The following PIK3C2G variants were observed in gnomAD, a reference collection of about 807,000 sequenced individuals.
The protein encoded by PIK3C2G is phosphatidylinositol-4-phosphate 3-kinase catalytic subunit type 2 gamma, also known as phosphatidylinositol 3-kinase C2 domain-containing subunit gamma.
PIK3C2G carries 168 observed loss-of-function variants against 181.1 expected under a neutral mutation model. That is an observed-to-expected ratio of 0.93 (90% CI 0.82 to 1.05). The LOEUF is 1.05. Ranked by LOEUF, PIK3C2G falls within the 50% of genes least tolerant of loss-of-function variation. PIK3C2G has a pLI of 0.00. For missense variants in PIK3C2G, 1,869 were observed against 1,732.8 expected (o/e 1.08, Z -1.40); for synonymous variants, 573 against 592.2 (o/e 0.97, Z 0.47).
chr12:18,694,932 A>G, the PIK3C2G span: 10 of 1,600,658 alleles, frequency 6.2e-6, no homozygotes, highest in Non-Finnish European at 8.6e-6. Flanking sequence ...TGTAATTGGC[A>G]TACCCTCTTT....
intron 31 of PIK3C2G, among the ~76,000 whole-genome samples, chr12:18,612,368 C>A (rs187500253): frequency 6.6e-6 from 1 of 152,084 alleles, no homozygotes; most frequent in African/African-American, 2.4e-5. Context: ...CACTTTTAAC[C>A]TTTCTTTTCT....
At chr12:18,504,237 T>C (rs182998483) in intron 23 of PIK3C2G, among the ~76,000 whole-genome samples, 1 of 152,292 alleles carries the variant, frequency 6.6e-6, no homozygotes, top group African/African-American at 2.4e-5. Context: ...CACACTTCCA[T>C]AACATTGTGT....
chr12:18,667,279 A>T, the PIK3C2G span, among the ~76,000 whole-genome samples: 3 of 152,094 alleles, frequency 2.0e-5, no homozygotes, highest in Admixed American at 1.3e-4. Context: ...CCACTTAGAG[A>T]TATGTGTAAT....
intron 19 of PIK3C2G, 59 bp downstream of exon 19, chr12:18,488,688 T>C: frequency 9.7e-7 from 1 of 1,031,686 alleles, no homozygotes; most frequent in Non-Finnish European, 1.3e-6. Context: ...TAAATTAAGT[T>C]TTAATTTCAT....
intron 29 of PIK3C2G, among the ~76,000 whole-genome samples, chr12:18,582,451 C>A (rs2136430062): frequency 6.6e-6 from 1 of 152,272 alleles, no homozygotes. Flanking sequence ...TACGTAGAAT[C>A]TTGGCGGAGC....
the PIK3C2G span, among the ~76,000 whole-genome samples, chr12:18,680,893 A>G: frequency 6.6e-6 from 1 of 152,076 alleles, no homozygotes; most frequent in Non-Finnish European, 1.5e-5. Flanking sequence ...TGATTGGAGT[A>G]AATCTTATCT....
At chr12:18,695,919 G>A in the PIK3C2G span, among the ~76,000 whole-genome samples, 3 of 151,658 alleles carry the variant, frequency 2.0e-5, no homozygotes, top group South Asian at 2.1e-4. Flanking sequence ...TTAACTCCTC[G>A]TGAATTTAAC....
chr12:18,244,676 G>T (rs554611503), upstream of PIK3C2G, among the ~76,000 whole-genome samples: 2 of 152,074 alleles, frequency 1.3e-5, no homozygotes, highest in East Asian at 3.9e-4. Context: ...AGGCACTGCC[G>T]CGATGCTATC....
At chr12:18,499,685 G>A (rs1264763872) in intron 22 of PIK3C2G, among the ~76,000 whole-genome samples, 4 of 152,214 alleles carry the variant, frequency 2.6e-5, no homozygotes, top group African/African-American at 9.6e-5. Flanking sequence ...CTTCCCCGGA[G>A]GTGGAGGAGA....
chr12:18,538,133 T>C, intron 24 of PIK3C2G, 23 bp from the exon 25 acceptor site: 1 of 1,597,870 alleles, frequency 6.3e-7, no homozygotes, highest in Non-Finnish European at 8.5e-7. Flanking sequence ...CTTCGAATGA[T>C]TGCTACTGTT....
rs1223299782 is a variant in PIK3C2G at position 18,552,646 on chromosome 12, A to G, written c.3590+6214A>G. On this transcript the variant is annotated intron_variant, in intron 26 of 32. Transcript: ENST00000538779. ...TCTCCTCTCATTGTGAAAGTCTCCC[A>G]TTATTTTTAGTTATAATAACAAACC... is the stretch of plus-strand genomic sequence containing the variant. Among the ~76,000 whole-genome samples the G allele has an allele frequency of 2.6e-5, 4 of 152,252 alleles. No homozygotes were observed. In the South Asian group the frequency reaches 8.3e-4, roughly 32 times the overall value.
intron 16 of PIK3C2G, among the ~76,000 whole-genome samples, chr12:18,410,906 A>G (rs1367325107): frequency 6.6e-6 from 1 of 152,182 alleles, no homozygotes; most frequent in African/African-American, 2.4e-5. Flanking sequence ...ATATAAGAGG[A>G]GCGAAATCAA....
At chr12:18,390,764 G>A (rs1263645005) in intron 14 of PIK3C2G, among the ~76,000 whole-genome samples, 5 of 152,000 alleles carry the variant, frequency 3.3e-5, no homozygotes, top group Non-Finnish European at 7.4e-5. Flanking sequence ...ATTTCGTAAG[G>A]AGACATTTTA....
intron 20 of PIK3C2G, among the ~76,000 whole-genome samples, chr12:18,494,144 C>T (rs1284514867): frequency 6.6e-6 from 1 of 152,140 alleles, no homozygotes; most frequent in Admixed American, 6.5e-5. Flanking sequence ...CCATAAAATC[C>T]TCCTCTAAGA....
At chr12:18,334,516 C>T in intron 8 of PIK3C2G, among the ~76,000 whole-genome samples, 1 of 152,128 alleles carries the variant, frequency 6.6e-6, no homozygotes, top group East Asian at 1.9e-4. Flanking sequence ...AAGCTGTAGT[C>T]TTCTGGCTTA....
intron 16 of PIK3C2G, among the ~76,000 whole-genome samples, chr12:18,419,490 A>G (rs1945357590): frequency 6.6e-6 from 1 of 152,182 alleles, no homozygotes; most frequent in Admixed American, 6.5e-5. Flanking sequence ...TAGTTAGGAG[A>G]ATCTAAAGTC....
the PIK3C2G span, chr12:18,683,551 T>C: frequency 6.7e-7 from 1 of 1,494,426 alleles, no homozygotes; most frequent in South Asian, 1.2e-5. Context: ...TACTTCTCCT[T>C]CCGCAAAGCG....
At chr12:18,426,178 CA>C (rs541626458) in intron 18 of PIK3C2G, among the ~76,000 whole-genome samples, 34 of 151,926 alleles carry the variant, frequency 2.2e-4, no homozygotes, top group African/African-American at 8.0e-4. Context: ...TGTTTATTAA[CA>C]AAAAAAATTC....
chr12:18,449,614 T>C (rs1947236551), intron 18 of PIK3C2G, among the ~76,000 whole-genome samples: 1 of 152,198 alleles, frequency 6.6e-6, no homozygotes, highest in Non-Finnish European at 1.5e-5. Flanking sequence ...TCCATGTTCC[T>C]GCAAAGGACA....
Sources: gnomAD v4.1 joint callset for allele counts (sites outside exome capture counted in the v4.1 genomes callset) on GRCh38, gnomAD v4.1.1 for gene constraint, MANE v1.5 for transcripts, NCBI Gene and HGNC (gene_info 2026-07-23, HGNC 2026-07-21) for gene names.